DOCK2: variants seen among roughly 807,000 people sequenced by gnomAD.
The protein encoded by DOCK2 is dedicator of cytokinesis 2.
Under a neutral mutation model 248.9 loss-of-function variants are expected in DOCK2, and 87 were observed. That is an observed-to-expected ratio of 0.35 (90% confidence interval 0.29 to 0.42). DOCK2 has a LOEUF of 0.42. Among genes scored for constraint, DOCK2 ranks in the 10% least tolerant of loss-of-function variants. DOCK2 has a pLI of 1.00. For missense variants in DOCK2, 1,747 were observed against 2,300.2 expected, an observed-to-expected ratio of 0.76 and a Z score of 4.92; for synonymous variants, 805 against 821.6, an observed-to-expected ratio of 0.98 and a Z score of 0.35.
At chr5:169,925,817 T>C (rs762596688) in intron 27 of DOCK2, among the ~76,000 whole-genome samples, 16 of 152,100 alleles carry the variant, frequency 1.1e-4, no homozygotes, top group Non-Finnish European at 1.9e-4. Flanking sequence ...ATATTATCTA[T>C]TGCTGCTATT....
At chr5:169,938,155 A>T (rs1776075939) in intron 27 of DOCK2, among the ~76,000 whole-genome samples, 1 of 152,204 alleles carries the variant, frequency 6.6e-6, no homozygotes, top group African/African-American at 2.4e-5. Context: ...TAAAGCTTGC[A>T]GTCTATTCAA....
intron 29 of DOCK2, among the ~76,000 whole-genome samples, chr5:169,993,281 G>A (rs1005317021): frequency 3.3e-5 from 5 of 152,152 alleles, no homozygotes; most frequent in African/African-American, 1.2e-4. Context: ...GATTTTGTGG[G>A]ATTTTTATTT....
chr5:169,901,229 G>A (rs1239370374), intron 27 of DOCK2, among the ~76,000 whole-genome samples: 1 of 152,158 alleles, frequency 6.6e-6, no homozygotes, highest in East Asian at 1.9e-4. Context: ...TGTGCACACT[G>A]GCTCTGATGC....
chr5:169,998,220 A>C (rs1437828622), intron 30 of DOCK2, among the ~76,000 whole-genome samples: 1 of 152,156 alleles, frequency 6.6e-6, no homozygotes, highest in Non-Finnish European at 1.5e-5. Context: ...CTTTCCTCCC[A>C]TAGAACTTAA....
At chr5:169,728,514 G>C (rs763397786) in intron 22 of DOCK2, among the ~76,000 whole-genome samples, 1 of 152,162 alleles carries the variant, frequency 6.6e-6, no homozygotes, top group Non-Finnish European at 1.5e-5. Context: ...AGGAAGGACA[G>C]TGTTTCAAGG....
At chr5:169,939,220 AC>A (rs964363539) in intron 27 of DOCK2, among the ~76,000 whole-genome samples, 2 of 148,534 alleles carry the variant, frequency 1.3e-5, no homozygotes, top group African/African-American at 2.5e-5. Flanking sequence ...TTTTTTTTAA[AC>A]TTTTTAAGCT....
chr5:169,851,252 C>T (rs554058192), intron 27 of DOCK2, among the ~76,000 whole-genome samples: 1 of 152,324 alleles, frequency 6.6e-6, no homozygotes, highest in African/African-American at 2.4e-5. Flanking sequence ...GCCAATCTTT[C>T]CTGTAAAGAT....
intron 33 of DOCK2, 39 bp downstream of exon 33, chr5:170,019,147 A>G (rs1240465337): frequency 1.9e-6 from 3 of 1,613,058 alleles, no homozygotes; most frequent in Non-Finnish European, 2.5e-6. Context: ...AGCATGCCTA[A>G]TCCCCAGCCC....
intron 34 of DOCK2, among the ~76,000 whole-genome samples, chr5:170,028,774 C>T (rs909882339): frequency 7.9e-5 from 12 of 151,826 alleles, no homozygotes; most frequent in Admixed American, 2.0e-4. Context: ...CACACGCGTG[C>T]GCACACACAC....
At chr5:169,977,184 C>A (rs1208521985) in intron 27 of DOCK2, among the ~76,000 whole-genome samples, 1 of 152,256 alleles carries the variant, frequency 6.6e-6, no homozygotes, top group African/African-American at 2.4e-5. Flanking sequence ...ACTGTCCCAG[C>A]ATGCTCTGTT....
At chr5:169,761,877 TC>T (rs1764507516) in intron 25 of DOCK2, among the ~76,000 whole-genome samples, 1 of 152,166 alleles carries the variant, frequency 6.6e-6, no homozygotes, top group Non-Finnish European at 1.5e-5. Context: ...GGTTTTTTTT[TC>T]CCCCTGTATG....
rs149919330 is a variant in DOCK2, at chr5:169,985,206, A to G, written c.2899-622A>G. Among the ~76,000 whole-genome samples, 1,033 of 152,288 alleles carry G rather than the reference A, an allele frequency of 6.8e-3. 10 individuals carry two copies. Among genetic ancestry groups the G allele is most frequent in the Middle Eastern group, 0.041 (12 of 294 alleles). ...GTGGGAGCCACCGTGCCTGGCCTCCAGATTTTGCTTTAATTTGTGTTTTCC... is the reference window on the plus strand; with the variant it reads ...GTGGGAGCCACCGTGCCTGGCCTCCGGATTTTGCTTTAATTTGTGTTTTCC... On this transcript the variant is annotated intron_variant, in intron 28 of 51. Transcript: ENST00000520908.
chr5:169,639,040 A>G (rs1757006743), intron 1 of DOCK2, among the ~76,000 whole-genome samples: 1 of 152,218 alleles, frequency 6.6e-6, no homozygotes, highest in Non-Finnish European at 1.5e-5. Flanking sequence ...GAGGTAGATT[A>G]TGGCTAGATT....
At chr5:170,080,411 C>G in intron 50 of DOCK2, 128 bp downstream of exon 50, 3 of 1,400,316 alleles carry the variant, frequency 2.1e-6, no homozygotes, top group Non-Finnish European at 2.9e-6. Context: ...GTGAGAGGCT[C>G]TGCTCATAGC....
intron 2 of DOCK2, among the ~76,000 whole-genome samples, chr5:169,659,729 T>C (rs1758337666): frequency 6.6e-6 from 1 of 152,220 alleles, no homozygotes; most frequent in Non-Finnish European, 1.5e-5. Flanking sequence ...ATATCTCTCA[T>C]GCTGCCTCTT....
At chr5:170,002,236 G>A (rs1437770367) in intron 30 of DOCK2, among the ~76,000 whole-genome samples, 10 of 140,984 alleles carry the variant, frequency 7.1e-5, no homozygotes, top group East Asian at 2.1e-4. Context: ...TGTTGCTAGC[G>A]AAAAAAAAAA....
chr5:169,923,690 T>G (rs1679085163), intron 27 of DOCK2, among the ~76,000 whole-genome samples: 1 of 152,272 alleles, frequency 6.6e-6, no homozygotes, highest in Non-Finnish European at 1.5e-5. Flanking sequence ...AGTAAGGCAC[T>G]GAATATGCAT....
chr5:169,869,700 A>C (rs972754599), intron 27 of DOCK2, among the ~76,000 whole-genome samples: 1 of 152,240 alleles, frequency 6.6e-6, no homozygotes, highest in African/African-American at 2.4e-5. Flanking sequence ...TAAGTTGCCA[A>C]CTTGGTGAAA....
chr5:169,977,564 C>G (rs1432890468), intron 27 of DOCK2, among the ~76,000 whole-genome samples: 1 of 152,184 alleles, frequency 6.6e-6, no homozygotes, highest in African/African-American at 2.4e-5. Context: ...AGACCCTGCT[C>G]GAGGTCACAA....
Sources: gnomAD v4.1 joint callset for allele counts (sites outside exome capture counted in the v4.1 genomes callset) on GRCh38, gnomAD v4.1.1 for gene constraint, MANE v1.5 for transcripts, NCBI Gene and HGNC (gene_info 2026-07-23, HGNC 2026-07-21) for gene names.